The following ODAD4 variants were observed in gnomAD, a reference collection of about 807,000 sequenced individuals.
The protein encoded by ODAD4 is outer dynein arm-docking complex subunit 4.
A neutral mutation model predicts 51.8 loss-of-function variants in ODAD4; 49 were observed. The ratio of observed to expected loss-of-function variants is 0.95; its 90% CI spans 0.75 to 1.20. The LOEUF is 1.20. Among genes scored for constraint, ODAD4 ranks in the 50% most tolerant of loss-of-function variants. The pLI, the probability that ODAD4 is intolerant of heterozygous loss-of-function variation, is 0.00. For missense variants in ODAD4, 590 were observed against 586.5 expected, an observed-to-expected ratio of 1.01 and a Z score of -0.06; for synonymous variants, 235 against 221.3, an observed-to-expected ratio of 1.06 and a Z score of -0.55.
chr17:41,965,212 A>G lies in ODAD4; in HGVS notation c.1748A>G (p.Lys583Arg). Residue 583 changes from lysine to arginine, a missense_variant, in exon 12 of 12, where the codon AAG becomes AGG. By Grantham distance (26) the Lys-to-Arg change is conservative. Transcript: ENST00000377540. ...KARSDLGAVA[K>R]GLSGELGTRS... The stretch of plus-strand genomic sequence containing the variant: ...AGAAGCGATTTGGGAGCAGTTGCCA[A>G]GGGCCTGTCAGGAGAATTAGGCACA... The G allele has an allele frequency of 1.3e-6, 1 of 774,878 alleles. No homozygotes were observed. Among genetic ancestry groups the G allele is most frequent in the Non-Finnish European group, 2.4e-6 (1 of 415,236 alleles). 48.0% of individuals were successfully genotyped at this position (774,878 alleles called of 1,614,324 possible).
intron 10 of ODAD4, among the ~76,000 whole-genome samples, chr17:41,956,746 C>T (rs1216259396): frequency 1.3e-5 from 2 of 151,630 alleles, no homozygotes; most frequent in African/African-American, 4.8e-5. Flanking sequence ...GAGACCCTGT[C>T]TCTAAATAAA....
intron 11 of ODAD4, among the ~76,000 whole-genome samples, chr17:41,964,059 G>A (rs1188570901): frequency 4.9e-5 from 7 of 144,182 alleles, no homozygotes; most frequent in Non-Finnish European, 9.2e-5. Flanking sequence ...ACCACTCCCG[G>A]TTAATTTTTT....
rs979846233 is a variant in ODAD4, at chr17:41,958,806, C to T, written c.1444-2576C>T. On this transcript the variant is annotated intron_variant, in intron 10 of 11. Transcript: ENST00000377540. Reference sequence around the variant, plus strand: ...TTGGGAGGCCGAGGCGGGTGGATCACGAGGTCAGGAGATTGAGACCATCCT... The same window carrying T: ...TTGGGAGGCCGAGGCGGGTGGATCATGAGGTCAGGAGATTGAGACCATCCT... 4.6e-5 allele frequency among the ~76,000 whole-genome samples: 7 copies of T among 151,144 alleles called. No homozygotes were observed. The East Asian group carries it at 9.8e-4, about 21-fold the overall frequency.
intron 7 of ODAD4, among the ~76,000 whole-genome samples, chr17:41,944,641 A>G (rs1356747767): frequency 6.6e-6 from 1 of 151,878 alleles, no homozygotes; most frequent in Admixed American, 6.6e-5. Context: ...AAATATAAAA[A>G]TTAGCTGGGT....
chr17:41,937,312 C>T (rs782099569), intron 5 of ODAD4, among the ~76,000 whole-genome samples: 8 of 152,270 alleles, frequency 5.3e-5, no homozygotes, highest in South Asian at 4.1e-4. Flanking sequence ...TGCTTAAATC[C>T]GAGGATATTA....
chr17:41,931,931 T>TTGTTGA (rs2050348117), intron 1 of ODAD4, among the ~76,000 whole-genome samples: 1 of 151,856 alleles, frequency 6.6e-6, no homozygotes, highest in Non-Finnish European at 1.5e-5. Flanking sequence ...GTTGTTGTTG[T>TTGTTGA]TGTTGTTGTT....
At chr17:41,946,247 T>A (rs1361773837) in intron 8 of ODAD4, among the ~76,000 whole-genome samples, 4 of 152,262 alleles carry the variant, frequency 2.6e-5, no homozygotes, top group African/African-American at 9.6e-5. Context: ...TACATTCAGT[T>A]AACACTTTAG....
At position 41,949,416 on chromosome 17, in the gene ODAD4, A is replaced by G. The variant is rs1194196989; in HGVS notation, c.1342+67A>G. On this transcript the variant is annotated intron_variant, in intron 9 of 11. Coordinates refer to ENST00000377540, the MANE Select transcript of ODAD4 (RefSeq NM_031421.5). ...AGGCCCAGCTCACACCAGGGCTAGG[A>G]GTCTTGTGGACTGAGTTTACCATCC... 2.8e-5 allele frequency: 11 copies of G among 398,024 alleles called. No individual in the cohort carries two copies. The East Asian group carries it at 3.9e-4, about 14-fold the overall frequency. The allele number at this position is 398,024 out of a possible 1,614,324, so 24.7% of individuals were successfully genotyped here. A position where few individuals can be genotyped will look rare whatever the true frequency, so the allele number is the denominator to read the frequency against.
chr17:41,934,034 CTTTCTTT>C (rs2050388971), intron 1 of ODAD4, among the ~76,000 whole-genome samples: 1 of 60,478 alleles, frequency 1.7e-5, no homozygotes, highest in Non-Finnish European at 3.3e-5. Flanking sequence ...TTTTTTCTTT[CTTTCTTT>C]TTTTTTTTTT....
intron 11 of ODAD4, among the ~76,000 whole-genome samples, chr17:41,964,511 T>C (rs1293948230): frequency 6.6e-6 from 1 of 152,242 alleles, no homozygotes; most frequent in Admixed American, 6.5e-5. Context: ...ATGGTTCCCT[T>C]TCTCTGCTTT....
At chr17:41,938,500 G>A (rs200306929) in intron 5 of ODAD4, 57 bp from the exon 6 acceptor site, 295 of 1,467,742 alleles carry the variant, frequency 2.0e-4, no homozygotes, top group Non-Finnish European at 3.3e-5. Flanking sequence ...GGAAACAGGA[G>A]GCAAATCCCT....
intron 11 of ODAD4, 84 bp downstream of exon 11, chr17:41,961,550 A>G: frequency 1.4e-6 from 1 of 699,704 alleles, no homozygotes; most frequent in Non-Finnish European, 2.7e-6. Flanking sequence ...ATGCGACAGC[A>G]GCTCCCCAAT....
chr17:41,931,892 G>A (rs543742054), intron 1 of ODAD4, among the ~76,000 whole-genome samples: 1 of 141,632 alleles, frequency 7.1e-6, no homozygotes, highest in Non-Finnish European at 1.5e-5. Flanking sequence ...CCACCCTAAG[G>A]GGATTGGGTG....
rs1555637563 is a variant in ODAD4 at position 41,935,358 on chromosome 17, T to C, written c.246+10T>C. 9 of 1,613,290 alleles carry C rather than the reference T, an allele frequency of 5.6e-6. No homozygotes were observed. Among genetic ancestry groups the C allele is most frequent in the Admixed American group, 3.3e-5 (2 of 59,914 alleles). On this transcript the variant is annotated intron_variant, in intron 2 of 11. Transcript: ENST00000377540. ...CCCAGCTTTCTGTAAGGTGACTGCA[T>C]GGGCGGGAGGACTGGATCCTGCCAT...
At chr17:41,948,200 C>A (rs1287314291) in intron 8 of ODAD4, among the ~76,000 whole-genome samples, 1 of 151,944 alleles carries the variant, frequency 6.6e-6, no homozygotes, top group African/African-American at 2.4e-5. Flanking sequence ...TTCAGTCTCA[C>A]CACCCAAAGA....
In ODAD4 at chr17:41,930,628, C is replaced by G; in HGVS notation, c.-96C>G. On this transcript the variant is annotated 5_prime_UTR_variant, in exon 1 of 12. Transcript: ENST00000377540. ...CGGAACCGGAAGTCGCTGTACATCT[C>G]ATGGTTGCTAAGAAACGGAGCTTCC... 1 of 819,934 alleles carries G rather than the reference C, an allele frequency of 1.2e-6. No individual in the cohort carries two copies. Among genetic ancestry groups the G allele is most frequent in the Non-Finnish European group, 2.0e-6 (1 of 503,270 alleles). 50.8% of individuals were successfully genotyped at this position (819,934 alleles called of 1,614,324 possible).
chr17:41,961,831 G>T (rs2144543799), intron 11 of ODAD4, among the ~76,000 whole-genome samples: 1 of 152,348 alleles, frequency 6.6e-6, no homozygotes, highest in Admixed American at 6.5e-5. Context: ...CAGTGGAGTT[G>T]TCAGCTGCTG....
chr17:41,946,431 T>G (rs2050587525), intron 8 of ODAD4, among the ~76,000 whole-genome samples: 1 of 151,894 alleles, frequency 6.6e-6, no homozygotes, highest in African/African-American at 2.4e-5. Flanking sequence ...TTCAAGCAAT[T>G]CTCCTGTCTC....
intron 5 of ODAD4, among the ~76,000 whole-genome samples, chr17:41,937,596 T>G (rs2050445864): frequency 6.6e-6 from 1 of 152,124 alleles, no homozygotes. Flanking sequence ...TCAGCCTCCC[T>G]AGTAGCTAGG....
Sources: gnomAD v4.1 joint callset for allele counts (sites outside exome capture counted in the v4.1 genomes callset) on GRCh38, gnomAD v4.1.1 for gene constraint, MANE v1.5 for transcripts, NCBI Gene and HGNC (gene_info 2026-07-23, HGNC 2026-07-21) for gene names.